FANCC: variants seen among roughly 807,000 people sequenced by gnomAD.
FANCC encodes Fanconi anemia group C protein.
In FANCC, 55 loss-of-function variants were observed where a neutral mutation model predicts 71.3. The observed-to-expected ratio is 0.77, with a 90% CI of 0.62 to 0.97. The LOEUF (loss-of-function observed/expected upper bound fraction) is 0.97. Ranked by LOEUF, FANCC falls within the 50% of genes least tolerant of loss-of-function variation. FANCC has a pLI of 0.00. For synonymous variants in FANCC, 275 were observed against 244.9 expected (o/e 1.12, Z -1.15); for missense variants, 678 against 670.9 (o/e 1.01, Z -0.12).
At chr9:95,138,034 C>T (rs1440148371) in intron 7 of FANCC, among the ~76,000 whole-genome samples, 3 of 152,340 alleles carry the variant, frequency 2.0e-5, no homozygotes, top group East Asian at 3.9e-4. Context: ...ACGGGCAAGG[C>T]GCAGAGGAGT....
chr9:95,215,253 T>C (rs534046999), intron 4 of FANCC, among the ~76,000 whole-genome samples: 5 of 152,064 alleles, frequency 3.3e-5, no homozygotes, highest in African/African-American at 1.2e-4. Flanking sequence ...GTAAAAGAAT[T>C]AAATTCCTAA....
At chr9:95,221,314 C>T in intron 4 of FANCC, among the ~76,000 whole-genome samples, 1 of 152,174 alleles carries the variant, frequency 6.6e-6, no homozygotes, top group East Asian at 1.9e-4. Context: ...AGACCCTCTA[C>T]TCCCACCTCA....
At chr9:95,239,512 T>C (rs942610284) in intron 4 of FANCC, among the ~76,000 whole-genome samples, 4 of 152,178 alleles carry the variant, frequency 2.6e-5, no homozygotes, top group African/African-American at 9.7e-5. Context: ...CAAAATTATA[T>C]GCTAAATATT....
intron 4 of FANCC, among the ~76,000 whole-genome samples, chr9:95,208,077 CTTTTTTTTTTTTTTTTTTTTTT>C (rs58961733): frequency 2.3e-4 from 11 of 47,612 alleles, no homozygotes; most frequent in East Asian, 1.9e-3. Context: ...ATCCAGAAGC[CTTTTTTTTTTTTTTTTTTTTTT>C]TTTTTTTTTT....
At chr9:95,275,831 C>A (rs1174714751) in intron 1 of FANCC, among the ~76,000 whole-genome samples, 1 of 152,084 alleles carries the variant, frequency 6.6e-6, no homozygotes, top group Non-Finnish European at 1.5e-5. Context: ...CCAGCCTGGG[C>A]AACTTCACAA....
At chr9:95,262,753 C>G (rs1832130809) in intron 1 of FANCC, among the ~76,000 whole-genome samples, 1 of 152,220 alleles carries the variant, frequency 6.6e-6, no homozygotes, top group Non-Finnish European at 1.5e-5. Context: ...CGAAGTGTGG[C>G]ATATGCACAC....
chr9:95,274,750 A>G (rs1043393964), intron 1 of FANCC, among the ~76,000 whole-genome samples: 1 of 152,168 alleles, frequency 6.6e-6, no homozygotes, highest in African/African-American at 2.4e-5. Context: ...ATTTGTCCAG[A>G]AGTGTCTCCA....
At chr9:95,284,036 C>T (rs1833529041) in intron 1 of FANCC, among the ~76,000 whole-genome samples, 1 of 152,212 alleles carries the variant, frequency 6.6e-6, no homozygotes, top group South Asian at 2.1e-4. Context: ...TTGTGCCTGG[C>T]ACATTTTAAC....
chr9:95,174,551 T>C (rs1353909416), intron 4 of FANCC, among the ~76,000 whole-genome samples: 1 of 151,900 alleles, frequency 6.6e-6, no homozygotes, highest in African/African-American at 2.4e-5. Context: ...ATTTTTTTTC[T>C]TCTTCTTTCT....
At chr9:95,176,704 T>G (rs978459094) in intron 4 of FANCC, among the ~76,000 whole-genome samples, 1 of 152,260 alleles carries the variant, frequency 6.6e-6, no homozygotes, top group African/African-American at 2.4e-5. Context: ...CTACTGTTAT[T>G]GTATATCACA....
At chr9:95,269,684 C>T (rs952693100) in intron 1 of FANCC, among the ~76,000 whole-genome samples, 2 of 152,068 alleles carry the variant, frequency 1.3e-5, no homozygotes, top group African/African-American at 2.4e-5. Flanking sequence ...CAGACTCACT[C>T]GAACAATTCA....
Position 95,172,029 on chromosome 9 carries a change from A to C in FANCC, c.456+8T>G, listed in dbSNP as rs761639538. 6.5e-7 allele frequency: 1 copy of C among 1,526,750 alleles called. No homozygotes were observed. Among genetic ancestry groups the C allele is most frequent in the Non-Finnish European group, 9.1e-7 (1 of 1,101,052 alleles). 94.6% of individuals were successfully genotyped at this position (1,526,750 alleles called of 1,614,324 possible). ...ACATTTCAAAAGTGATAAATTTTAAATACTCACATTTTTAAGCAAACCAGG... is the reference window on the plus strand; with the variant it reads ...ACATTTCAAAAGTGATAAATTTTAACTACTCACATTTTTAAGCAAACCAGG... On this transcript the variant is annotated splice_region_variant and intron_variant, in intron 5 of 14. Transcript: ENST00000289081.
chr9:95,300,690 C>A (rs907889687), intron 1 of FANCC, among the ~76,000 whole-genome samples: 1 of 152,102 alleles, frequency 6.6e-6, no homozygotes, highest in Non-Finnish European at 1.5e-5. Context: ...AATGACAGGA[C>A]AACTGACAAT....
intron 6 of FANCC, among the ~76,000 whole-genome samples, chr9:95,151,079 G>A (rs1189915553): frequency 6.6e-6 from 1 of 152,170 alleles, no homozygotes; most frequent in Non-Finnish European, 1.5e-5. Context: ...ATGTGCCTGG[G>A]ACTGCAGAAA....
At chr9:95,253,908 A>G (rs1831503589) in intron 1 of FANCC, among the ~76,000 whole-genome samples, 1 of 152,240 alleles carries the variant, frequency 6.6e-6, no homozygotes, top group South Asian at 2.1e-4. Flanking sequence ...CTGCATGTGC[A>G]GTTCACAAGA....
At chr9:95,225,876 CACATTAAT>C (rs2135961266) in intron 4 of FANCC, among the ~76,000 whole-genome samples, 1 of 152,308 alleles carries the variant, frequency 6.6e-6, no homozygotes, top group Non-Finnish European at 1.5e-5. Flanking sequence ...TCAGTGCACT[CACATTAAT>C]GACTCAGGAG....
intron 4 of FANCC, among the ~76,000 whole-genome samples, chr9:95,196,264 T>A (rs187121846): frequency 6.6e-6 from 1 of 152,304 alleles, no homozygotes; most frequent in East Asian, 1.9e-4. Flanking sequence ...GAAGTTGAGG[T>A]AATTCCCCAC....
Position 95,229,951 on chromosome 9 carries a change from AG to A in FANCC, c.345+10697del, listed in dbSNP as rs1441047195. Among the ~76,000 whole-genome samples the A allele has an allele frequency of 4.6e-5, 7 of 152,236 alleles. No individual in the cohort carries two copies. In the East Asian group the frequency reaches 1.3e-3, roughly 29 times the overall value. On this transcript the variant is annotated intron_variant, in intron 4 of 14. Coordinates refer to ENST00000289081, the MANE Select transcript of FANCC (RefSeq NM_000136.3). ...TTTTAAATAATTTTATCCATTCAGT[AG>A]TTTTTTATTTTGTGCCTGCTATGAG... is the stretch of plus-strand genomic sequence containing the variant.
rs546017975 is a variant in FANCC, at chr9:95,290,643, C to T, written c.-79+26883G>A. Among the ~76,000 whole-genome samples the T allele has an allele frequency of 2.6e-5, 4 of 152,220 alleles. No individual in the cohort carries two copies. In the East Asian group the frequency reaches 7.7e-4, roughly 29 times the overall value. On this transcript the variant is annotated intron_variant, in intron 1 of 14. Coordinates refer to ENST00000289081, the MANE Select transcript of FANCC (RefSeq NM_000136.3). ...GGAAAATGGGACAAAACACACTCCT[C>T]TGAAGTAAAATACACAGTAAAACTG...
Sources: gnomAD v4.1 joint callset for allele counts (sites outside exome capture counted in the v4.1 genomes callset) on GRCh38, gnomAD v4.1.1 for gene constraint, MANE v1.5 for transcripts, NCBI Gene and HGNC (gene_info 2026-07-23, HGNC 2026-07-21) for gene names.